Variants in GGCT observed in about 807,000 individuals in gnomAD.
The protein encoded by GGCT is gamma-glutamylcyclotransferase, also known as cytochrome c-releasing factor 21.
In GGCT, 20 loss-of-function variants were observed where a neutral mutation model predicts 22.1. The ratio of observed to expected loss-of-function variants is 0.91; its 90% CI spans 0.64 to 1.32. The LOEUF (loss-of-function observed/expected upper bound fraction) is 1.32, where lower values mean the gene tolerates loss of function less well. Ranked by LOEUF, GGCT falls within the 40% of genes most tolerant of loss-of-function variation. GGCT has a pLI of 0.00. For synonymous variants in GGCT, 72 were observed against 78.4 expected (o/e 0.92, Z 0.43); for missense variants, 209 against 223.5 (o/e 0.94, Z 0.41).
chr7:30,499,776 G>C (rs1217223206), intron 2 of GGCT, among the ~76,000 whole-genome samples: 2 of 149,456 alleles, frequency 1.3e-5, no homozygotes, highest in Admixed American at 1.3e-4. Flanking sequence ...AATATTACTT[G>C]TTATACTCCT....
intron 1 of GGCT, among the ~76,000 whole-genome samples, chr7:30,503,166 TCCTGGTTAGGTCAGGTAC>T (rs1260062881): frequency 6.6e-6 from 1 of 152,252 alleles, no homozygotes; most frequent in African/African-American, 2.4e-5. Flanking sequence ...TTCCTGAGCA[TCCTGGTTAGGTCAGGTAC>T]CCTGGTCATA....
rs1446359083 is a variant in GGCT at position 30,496,740 on chromosome 7, A to C, written c.*352T>G. 1 of 164,078 alleles carries C rather than the reference A, an allele frequency of 6.1e-6. No homozygotes were observed. The highest frequency in any genetic ancestry group is 6.4e-5 in the Admixed American group (1 of 15,642). The allele number at this position is 164,078 out of a possible 1,614,324, so 10.2% of individuals were successfully genotyped here. A position where few individuals can be genotyped will look rare whatever the true frequency, so the allele number is the denominator to read the frequency against. On this transcript the variant is annotated 3_prime_UTR_variant, in exon 4 of 4. Coordinates refer to ENST00000275428, the MANE Select transcript of GGCT (RefSeq NM_024051.4). ...AAGCTGATTTTTAAAAATCTCAGACAGAGCAGAGCAATTCACCAGCACCAT... is the reference window on the plus strand; with the variant it reads ...AAGCTGATTTTTAAAAATCTCAGACCGAGCAGAGCAATTCACCAGCACCAT...
chr7:30,504,624 T>C lies in GGCT; in HGVS notation c.86A>G (p.Glu29Gly). 1 of 1,614,086 alleles carries C rather than the reference T, an allele frequency of 6.2e-7. No individual in the cohort carries two copies. Among genetic ancestry groups the C allele is most frequent in the Non-Finnish European group, 8.5e-7 (1 of 1,179,972 alleles). The change falls in exon 1 of 4, where the codon GAG becomes GGG. Residue 29 changes from glutamate (E) to glycine (G), a missense_variant. Transcript: ENST00000275428. ...CGAGGGGTTTCGGAGGTGGATCCTC[T>C]CTGTCAGCAGGTTGCTGCCGTAGGC... ...YFAYGSNLLT[E>G]RIHLRNPSAA...
At position 30,497,160 on chromosome 7, in the gene GGCT, C is replaced by T. The variant is rs1301812434; in HGVS notation, c.499G>A (p.Asp167Asn). Residue 167 changes from aspartate to asparagine, a missense_variant, in exon 4 of 4, where the codon GAC becomes AAC. By Grantham distance (23) the Asp-to-Asn change is conservative. Transcript: ENST00000275428. ...TCTTCTGAGACCTTTCCTGTATAGTCATTTGGTTCTATTGCTTTTAACTTC... is the reference window on the plus strand; with the variant it reads ...TCTTCTGAGACCTTTCCTGTATAGTTATTTGGTTCTATTGCTTTTAACTTC... ...QEKLKAIEPN[D>N]YTGKVSEEIE... The T allele has an allele frequency of 2.5e-6, 4 of 1,609,314 alleles. No individual in the cohort carries two copies. Among genetic ancestry groups the T allele is most frequent in the South Asian group, 1.1e-5 (1 of 90,876 alleles).
chr7:30,504,763 A>G lies in GGCT; in HGVS notation c.-54T>C, dbSNP rs1789795648. The G allele has an allele frequency of 2.5e-6, 4 of 1,578,146 alleles. No homozygotes were observed. The South Asian group carries it at 3.3e-5, about 13-fold the overall frequency. On this transcript the variant is annotated 5_prime_UTR_variant, in exon 1 of 4. Coordinates refer to ENST00000275428, the MANE Select transcript of GGCT (RefSeq NM_024051.4). ...GAAGCAGAGTGTAAGGAACGGCCAG[A>G]GAGCGCAACACTGGGGCCCACTACC... is the stretch of plus-strand genomic sequence containing the variant.
At position 30,504,796 on chromosome 7, in the gene GGCT, A is replaced by C. The variant is rs1027339935; in HGVS notation, c.-87T>G. ...ACACTGGGGCCCACTACCCCGGCGC[A>C]GTGACCGCCGCGCGGCAGCCTCAGG... On this transcript the variant is annotated 5_prime_UTR_variant, in exon 1 of 4. Coordinates refer to ENST00000275428, the MANE Select transcript of GGCT (RefSeq NM_024051.4). The C allele has an allele frequency of 2.2e-6, 3 of 1,368,608 alleles. No individual in the cohort carries two copies. The highest frequency in any genetic ancestry group is 1.8e-5 in the Admixed American group (1 of 56,550). The allele number at this position is 1,368,608 out of a possible 1,614,324, so 84.8% of individuals were successfully genotyped here. A position where few individuals can be genotyped will look rare whatever the true frequency, so the allele number is the denominator to read the frequency against.
At chr7:30,497,767 GGCCT>G (rs1789587836) in intron 3 of GGCT, 1 of 1,445,184 alleles carries the variant, frequency 6.9e-7, no homozygotes, top group African/African-American at 1.4e-5. Context: ...GACCTGATTG[GGCCT>G]GCCAACAGAG....
At chr7:30,502,009 T>G in intron 1 of GGCT, among the ~76,000 whole-genome samples, 1 of 152,364 alleles carries the variant, frequency 6.6e-6, no homozygotes, top group East Asian at 1.9e-4. Context: ...CTTGTTCCAC[T>G]TCTCAGCGGA....
chr7:30,499,311 G>T (rs556286419), intron 2 of GGCT, among the ~76,000 whole-genome samples: 1 of 152,072 alleles, frequency 6.6e-6, no homozygotes, highest in South Asian at 2.1e-4. Context: ...ATAGGCTGAG[G>T]CTAGAGAATC....
chr7:30,498,026 TAC>T (rs1554329077), intron 3 of GGCT: 53 of 219,494 alleles, frequency 2.4e-4, no homozygotes, highest in Admixed American at 7.4e-4. Flanking sequence ...TATATATAGA[TAC>T]ACACACACAT....
chr7:30,499,405 A>G (rs1212206963), intron 2 of GGCT, among the ~76,000 whole-genome samples: 3 of 150,110 alleles, frequency 2.0e-5, no homozygotes, highest in Non-Finnish European at 4.4e-5. Flanking sequence ...ACTCCATCTC[A>G]AAAAGAAAAA....
At chr7:30,503,439 ACG>A (rs1789748320) in intron 1 of GGCT, among the ~76,000 whole-genome samples, 1 of 152,190 alleles carries the variant, frequency 6.6e-6, no homozygotes, top group Non-Finnish European at 1.5e-5. Context: ...CGGCATGGGT[ACG>A]TGGCCAAAAC....
chr7:30,498,740 T>C (rs1789621101), intron 3 of GGCT, 63 bp downstream of exon 3: 1 of 1,420,366 alleles, frequency 7.0e-7, no homozygotes, highest in African/African-American at 1.4e-5. Flanking sequence ...AAAAACAATA[T>C]ATTCTTTAGT....
chr7:30,500,522 T>C lies in GGCT; in HGVS notation c.287+14A>G. 4.4e-6 allele frequency: 7 copies of C among 1,602,742 alleles called. No homozygotes were observed. Among genetic ancestry groups the C allele is most frequent in the Non-Finnish European group, 6.0e-6 (7 of 1,170,416 alleles). On this transcript the variant is annotated intron_variant, in intron 2 of 3. Coordinates refer to ENST00000275428, the MANE Select transcript of GGCT (RefSeq NM_024051.4). The stretch of plus-strand genomic sequence containing the variant: ...AATTAATTACTGTTTAACTTATAAT[T>C]AGAAGCCACCTACTCATCCAGAGAA...
At chr7:30,501,491 T>C (rs1338234350) in intron 1 of GGCT, among the ~76,000 whole-genome samples, 1 of 152,240 alleles carries the variant, frequency 6.6e-6, no homozygotes, top group East Asian at 1.9e-4. Context: ...TTAGAAAGAT[T>C]AAGCAATCTT....
intron 3 of GGCT, among the ~76,000 whole-genome samples, chr7:30,498,349 AT>A (rs758684802): frequency 6.1e-4 from 92 of 152,038 alleles, no homozygotes; most frequent in Non-Finnish European, 1.1e-3. Flanking sequence ...AATAACTATC[AT>A]TTTTATATTT....
chr7:30,498,864 GTTAT>G lies in GGCT; in HGVS notation c.358_361del (p.Ile120ProfsTer6), dbSNP rs779855606. ...ATTTGTCATCAGATAACTTCGACAG[GTTAT>G]TTCTTTTCCTTCTTGAGTTGCAACT... On this transcript the variant is annotated frameshift_variant, in exon 3 of 4. Coordinates refer to ENST00000275428, the MANE Select transcript of GGCT (RefSeq NM_024051.4). LOFTEE classifies it high-confidence loss of function. 1 of 1,612,516 alleles carries G rather than the reference GTTAT, an allele frequency of 6.2e-7. No homozygotes were observed. The highest frequency in any genetic ancestry group is 2.2e-5 in the East Asian group (1 of 44,854).
At position 30,497,696 on chromosome 7, in the gene GGCT, G is replaced by C. The variant is rs10250220; in HGVS notation, c.424-461C>G. 17,962 of 1,143,208 alleles carry C rather than the reference G, an allele frequency of 0.016. 2,016 individuals carry two copies. In the African/African-American group the frequency reaches 0.25, roughly 16 times the overall value. The allele number at this position is 1,143,208 out of a possible 1,614,324, so 70.8% of individuals were successfully genotyped here. ...ATCTATACCAGGCTAATTTCTCTAG[G>C]TTTCATACTAAAAAATTCCAAACGA... On this transcript the variant is annotated intron_variant, in intron 3 of 3. Coordinates refer to ENST00000275428, the MANE Select transcript of GGCT (RefSeq NM_024051.4).
In GGCT at chr7:30,498,830, A is replaced by G; in HGVS notation, c.396T>C (p.Ser132=). The change falls in exon 3 of 4, where the codon AGT becomes AGC. Residue 132 remains serine, a synonymous_variant. Transcript: ENST00000275428. The part of the protein sequence containing the change: ...CRSYLMTNYE[S]APPSPQYKKI... The stretch of plus-strand genomic sequence containing the variant: ...TTTTATACTGTGGGGATGGGGGAGC[A>G]CTTTCGTAATTTGTCATCAGATAAC... The G allele has an allele frequency of 6.2e-7, 1 of 1,613,566 alleles. No individual in the cohort carries two copies. Among genetic ancestry groups the G allele is most frequent in the South Asian group, 1.1e-5 (1 of 91,076 alleles).
Sources: allele counts gnomAD v4.1 joint callset (sites outside exome capture counted in the v4.1 genomes callset), GRCh38; gene constraint gnomAD v4.1.1; transcripts MANE v1.5; gene names NCBI Gene and HGNC (gene_info 2026-07-23, HGNC 2026-07-21).